Variants in PTPDC1 observed in about 807,000 individuals in gnomAD.
The protein encoded by PTPDC1 is protein tyrosine phosphatase domain containing 1.
Under a neutral mutation model 75.3 loss-of-function variants are expected in PTPDC1, and 53 were observed. The observed-to-expected ratio is 0.70, with a 90% confidence interval of 0.56 to 0.88. The LOEUF (loss-of-function observed/expected upper bound fraction) is 0.88. Ranked by LOEUF, PTPDC1 falls within the 40% of genes least tolerant of loss-of-function variation. The pLI, the probability that PTPDC1 is intolerant of heterozygous loss-of-function variation, is 0.00. For missense variants in PTPDC1, 925 were observed against 998.6 expected (o/e 0.93, Z 0.99); for synonymous variants, 349 against 366.2 (o/e 0.95, Z 0.54).
rs751921577 is a variant in PTPDC1 at position 94,064,853 on chromosome 9, C to T, written c.82+32C>T. 5 of 1,494,732 alleles carry T rather than the reference C, an allele frequency of 3.3e-6. No homozygotes were observed. In the South Asian group the frequency reaches 4.6e-5, roughly 14 times the overall value. 92.6% of individuals were successfully genotyped at this position (1,494,732 alleles called of 1,614,324 possible). ...TCTCTTTAATACACTTTTTGTCTCT[C>T]TGTGCAAGCTGGCATTTAATAAAAG... On this transcript the variant is annotated intron_variant, in intron 2 of 9. Coordinates refer to the PTPDC1 transcript ENST00000375360.
At chr9:94,104,460 A>T (rs1173058052) in intron 8 of PTPDC1, 75 bp downstream of exon 8, 18 of 913,554 alleles carry the variant, frequency 2.0e-5, no homozygotes, top group Non-Finnish European at 3.1e-5. Context: ...TCCAGAGGTC[A>T]CCGTCCTCCT....
upstream of PTPDC1, among the ~76,000 whole-genome samples, chr9:94,083,227 G>A (rs551792490): frequency 3.1e-4 from 47 of 152,294 alleles, 1 homozygote; most frequent in African/African-American, 1.1e-3. Flanking sequence ...TGCCCTTAGG[G>A]TCCTGAGGGC....
chr9:94,051,442 T>C (rs1825790346), intron 1 of PTPDC1, among the ~76,000 whole-genome samples: 2 of 152,178 alleles, frequency 1.3e-5, no homozygotes, highest in Admixed American at 1.3e-4. Flanking sequence ...ATTCTTTATC[T>C]AGTTTTGGTG....
At chr9:94,088,381 G>A in intron 4 of PTPDC1, 118 bp downstream of exon 4, 1 of 1,229,618 alleles carries the variant, frequency 8.1e-7, no homozygotes, top group Non-Finnish European at 1.1e-6. Context: ...ATCATAGTAA[G>A]GTTTAGAAAA....
intron 2 of PTPDC1, among the ~76,000 whole-genome samples, chr9:94,076,921 C>T (rs149318375): frequency 0.015 from 2,219 of 152,112 alleles, 40 homozygotes; most frequent in African/African-American, 0.05. Flanking sequence ...TATGCATTTC[C>T]CTAATGACTA....
At chr9:94,045,637 G>A (rs1248509494) in intron 1 of PTPDC1, among the ~76,000 whole-genome samples, 1 of 152,184 alleles carries the variant, frequency 6.6e-6, no homozygotes, top group Non-Finnish European at 1.5e-5. Context: ...CTGCATAAAT[G>A]TCTTCTTTTG....
intron 2 of PTPDC1, among the ~76,000 whole-genome samples, chr9:94,071,848 T>C (rs1826521140): frequency 1.3e-5 from 2 of 152,388 alleles, no homozygotes; most frequent in South Asian, 4.1e-4. Flanking sequence ...ATCTTTACTT[T>C]GTTGCATCTT....
In PTPDC1 at chr9:94,098,435, A is replaced by T. The variant is rs1206098852; in HGVS notation, c.1869A>T (p.Lys623Asn). The T allele has an allele frequency of 1.7e-5, 28 of 1,614,090 alleles. No individual in the cohort carries two copies. The highest frequency in any genetic ancestry group is 2.3e-5 in the Non-Finnish European group (27 of 1,180,040). The change falls in exon 6 of 9, where the codon AAA (lysine) becomes AAT (asparagine). Residue 623 changes from lysine (K) to asparagine (N), a missense_variant. Lys to Asn is a moderately conservative substitution (Grantham distance 94). Transcript: ENST00000620992. ...FLVEHETQDS[K>N]DLSEAASHSA... ...TTGAACATGAAACCCAGGACAGTAAAGATCTGTCTGAAGCAGCTTCACACT... is the reference window on the plus strand; with the variant it reads ...TTGAACATGAAACCCAGGACAGTAATGATCTGTCTGAAGCAGCTTCACACT...
At position 94,108,032 on chromosome 9, in the gene PTPDC1, T is replaced by G. The variant is rs1021294521; in HGVS notation, c.*88T>G. On this transcript the variant is annotated 3_prime_UTR_variant, in exon 9 of 9. Transcript: ENST00000620992. ...ATAAGTTGAAGATTGTGGGGCTACT[T>G]TTTCTCATAGCACTTTATTTTGAAT... 6.6e-6 allele frequency: 4 copies of G among 606,948 alleles called. No individual in the cohort carries two copies. Among genetic ancestry groups the G allele is most frequent in the Non-Finnish European group, 7.8e-6 (3 of 386,106 alleles). The allele number at this position is 606,948 out of a possible 1,614,324, so 37.6% of individuals were successfully genotyped here.
At chr9:94,083,433 C>A (rs575476895), upstream of PTPDC1, among the ~76,000 whole-genome samples, 1 of 151,390 alleles carries the variant, frequency 6.6e-6, no homozygotes, top group African/African-American at 2.4e-5. Context: ...TTAAAAGGAG[C>A]TTGGTATAGC....
chr9:94,058,393 T>C (rs1826012983), intron 1 of PTPDC1, among the ~76,000 whole-genome samples: 1 of 152,048 alleles, frequency 6.6e-6, no homozygotes, highest in African/African-American at 2.4e-5. Flanking sequence ...TATATTACTT[T>C]AGTCAGTAAG....
At position 94,098,168 on chromosome 9, in the gene PTPDC1, T is replaced by G. The variant is rs1827687484; in HGVS notation, c.1602T>G (p.Ile534Met). ...CACCAATTTTCCATGGAAGGATCAT[T>G]CCAAAGGAAGCACAGCAGAGTGGAG... is the stretch of plus-strand genomic sequence containing the variant. ...NGSPIFHGRI[I>M]PKEAQQSGAF... Residue 534 changes from isoleucine (I) to methionine (M), a missense_variant, in exon 6 of 9, where the codon ATT becomes ATG. By Grantham distance (10) the Ile-to-Met change is conservative. Coordinates refer to ENST00000620992, the MANE Select transcript of PTPDC1 (RefSeq NM_001253829.2). 1.2e-6 allele frequency: 2 copies of G among 1,614,212 alleles called. No homozygotes were observed. Among genetic ancestry groups the G allele is most frequent in the Non-Finnish European group, 1.7e-6 (2 of 1,180,040 alleles).
chr9:94,081,402 C>T (rs1341021297), upstream of PTPDC1, among the ~76,000 whole-genome samples: 1 of 152,100 alleles, frequency 6.6e-6, no homozygotes, highest in African/African-American at 2.4e-5. Context: ...GTGGCAGGCA[C>T]CTGTCATATT....
At chr9:94,054,019 C>T (rs1304122183) in intron 1 of PTPDC1, among the ~76,000 whole-genome samples, 1 of 152,152 alleles carries the variant, frequency 6.6e-6, no homozygotes, top group African/African-American at 2.4e-5. Context: ...ATACATCCAA[C>T]AAATACTGAG....
intron 1 of PTPDC1, among the ~76,000 whole-genome samples, chr9:94,057,534 AT>A: frequency 6.6e-6 from 1 of 152,336 alleles, no homozygotes; most frequent in African/African-American, 2.4e-5. Context: ...GATAACAAAT[AT>A]TTATTGAATA....
rs111673629 is a variant in PTPDC1, at chr9:94,071,400, GCT to G, written c.82+6582_82+6583del. ...TTATATACTCTAGATACTAGATCTT[GCT>G]CTGATACGTGGTTTGCAGATACATT... On this transcript the variant is annotated intron_variant, in intron 2 of 9. Coordinates refer to the PTPDC1 transcript ENST00000375360. 5.6e-3 allele frequency among the ~76,000 whole-genome samples: 840 copies of G among 151,106 alleles called. 7 individuals carry two copies. Among genetic ancestry groups the G allele is most frequent in the African/African-American group, 0.016 (666 of 41,106 alleles).
intron 1 of PTPDC1, among the ~76,000 whole-genome samples, chr9:94,062,589 C>T (rs753592173): frequency 2.0e-5 from 3 of 152,168 alleles, no homozygotes; most frequent in Non-Finnish European, 2.9e-5. Flanking sequence ...GGGGAGGCCT[C>T]ATGGTGGAAG....
At chr9:94,095,205 A>T in intron 4 of PTPDC1, 112 bp from the exon 5 acceptor site, 4 of 751,572 alleles carry the variant, frequency 5.3e-6, no homozygotes, top group South Asian at 1.8e-5. Flanking sequence ...CAGTGTATGC[A>T]CTGAGATCTA....
intron 1 of PTPDC1, among the ~76,000 whole-genome samples, chr9:94,054,915 G>A (rs747911151): frequency 6.6e-6 from 1 of 152,178 alleles, no homozygotes; most frequent in African/African-American, 2.4e-5. Flanking sequence ...ACTCATACAA[G>A]GAAAGTGACC....
Sources: allele counts gnomAD v4.1 joint callset (sites outside exome capture counted in the v4.1 genomes callset), GRCh38; gene constraint gnomAD v4.1.1; transcripts MANE v1.5; gene names NCBI Gene and HGNC (gene_info 2026-07-23, HGNC 2026-07-21).